The following METTL4 variants were observed in gnomAD, a reference collection of about 807,000 sequenced individuals.
The protein encoded by METTL4 is methyltransferase 4, N6-adenosine, also known as N(6)-adenine-specific methyltransferase METTL4.
Under a neutral mutation model 54.0 loss-of-function variants are expected in METTL4, and 40 were observed. That is an observed-to-expected ratio of 0.74 (90% CI 0.58 to 0.96). The LOEUF (loss-of-function observed/expected upper bound fraction) is 0.96. Among genes scored for constraint, METTL4 ranks in the 50% least tolerant of loss-of-function variants. The pLI is 0.00. For missense variants in METTL4, 525 were observed against 549.0 expected (o/e 0.96, Z 0.44); for synonymous variants, 169 against 183.8 (o/e 0.92, Z 0.65).
In METTL4 at chr18:2,571,504, G is replaced by A. The variant is rs1389385180; in HGVS notation, c.-794C>T. 1 of 152,250 alleles carries A rather than the reference G, an allele frequency of 6.6e-6. No individual in the cohort carries two copies. Among genetic ancestry groups the A allele is most frequent in the Non-Finnish European group, 1.5e-5 (1 of 68,044 alleles). The allele number at this position is 152,250 out of a possible 1,614,324, so 9.4% of individuals were successfully genotyped here. A position where few individuals can be genotyped will look rare whatever the true frequency, so the allele number is the denominator to read the frequency against. On this transcript the variant is annotated 5_prime_UTR_variant, in exon 1 of 9. Transcript: ENST00000574538. Reference sequence around the variant, plus strand: ...CCTTCCAGCGACGAGGCGGTCGCATGGAAGTTACTGCGCGCGTCGTGCGTA... The same window carrying A: ...CCTTCCAGCGACGAGGCGGTCGCATAGAAGTTACTGCGCGCGTCGTGCGTA...
chr18:2,547,263 A>G (rs1015831596), intron 6 of METTL4, 92 bp downstream of exon 6: 3 of 1,004,584 alleles, frequency 3.0e-6, no homozygotes, highest in African/African-American at 3.3e-5. Context: ...GAAGGAGTAC[A>G]GCAGTGACAT....
chr18:2,570,654 T>C (rs1057501642), intron 1 of METTL4, among the ~76,000 whole-genome samples: 1 of 152,094 alleles, frequency 6.6e-6, no homozygotes, highest in Non-Finnish European at 1.5e-5. Context: ...ATCCCCTTCA[T>C]AGGCCACAGC....
intron 8 of METTL4, among the ~76,000 whole-genome samples, chr18:2,542,860 G>T (rs1201452775): frequency 6.6e-6 from 1 of 152,100 alleles, no homozygotes; most frequent in Admixed American, 6.5e-5. Flanking sequence ...GGGTGCGGTG[G>T]CTCATGCCTG....
intron 4 of METTL4, chr18:2,554,108 A>T (rs2072201154): frequency 6.6e-6 from 1 of 152,386 alleles, no homozygotes; most frequent in Non-Finnish European, 1.5e-5. Flanking sequence ...CATTTTATAG[A>T]TTGGAGACTG....
At chr18:2,565,260 CAG>C (rs1567981719) in intron 2 of METTL4, among the ~76,000 whole-genome samples, 1 of 151,394 alleles carries the variant, frequency 6.6e-6, no homozygotes, top group Non-Finnish European at 1.5e-5. Context: ...GCCTGGGAAA[CAG>C]AGCAAGACTC....
chr18:2,560,771 C>T (rs1237695915), intron 3 of METTL4, among the ~76,000 whole-genome samples: 5 of 152,008 alleles, frequency 3.3e-5, no homozygotes, highest in East Asian at 3.9e-4. Context: ...CCCAGCTACT[C>T]GGGAGGCTGA....
Position 2,567,379 on chromosome 18 carries a change from T to G in METTL4, c.-163A>C. ...AACCTGACATGCACATTGAAGAGAA[T>G]TTATCATTCATGATGTTAATATATA... On this transcript the variant is annotated 5_prime_UTR_variant, in exon 2 of 9. Coordinates refer to ENST00000574538, the MANE Select transcript of METTL4 (RefSeq NM_022840.5). 3.9e-6 allele frequency: 2 copies of G among 517,000 alleles called. No individual in the cohort carries two copies. Among genetic ancestry groups the G allele is most frequent in the Non-Finnish European group, 6.6e-6 (2 of 300,754 alleles). 32.0% of individuals were successfully genotyped at this position (517,000 alleles called of 1,614,324 possible). A position where few individuals can be genotyped will look rare whatever the true frequency, so the allele number is the denominator to read the frequency against.
chr18:2,566,912 G>A lies in METTL4; in HGVS notation c.305C>T (p.Pro102Leu), dbSNP rs745751543. The change falls in exon 2 of 9, where the codon CCA (proline) becomes CTA (leucine). Residue 102 changes from proline (P) to leucine (L), a missense_variant. Transcript: ENST00000574538. ...TTGCTGGCATTCTTTATGAACAGCT[G>A]GAGTTATATAAGGTTTGGTGACATC... ...LFDVTKPYIT[P>L]AVHKECQQSN... The A allele has an allele frequency of 3.1e-6, 5 of 1,613,690 alleles. No individual in the cohort carries two copies. The highest frequency in any genetic ancestry group is 4.2e-6 in the Non-Finnish European group (5 of 1,179,866).
chr18:2,555,277 A>T, intron 3 of METTL4: 1 of 503,060 alleles, frequency 2.0e-6, no homozygotes, highest in Non-Finnish European at 3.5e-6. Flanking sequence ...CATGTAAGAA[A>T]ATATATCCTC....
intron 6 of METTL4, among the ~76,000 whole-genome samples, chr18:2,546,854 G>C (rs979484288): frequency 6.6e-6 from 1 of 152,154 alleles, no homozygotes; most frequent in African/African-American, 2.4e-5. Context: ...GAGGACCTAA[G>C]TTAAGATTTA....
chr18:2,540,410 C>T (rs1244791355), intron 8 of METTL4: 1 of 982,376 alleles, frequency 1.0e-6, no homozygotes, highest in Non-Finnish European at 1.2e-6. Context: ...TTTAGGAATA[C>T]TAGAGACAGG....
intron 2 of METTL4, among the ~76,000 whole-genome samples, chr18:2,565,987 C>T (rs949197670): frequency 6.7e-6 from 1 of 150,180 alleles, no homozygotes; most frequent in Non-Finnish European, 1.5e-5. Context: ...GCGGAGCTTG[C>T]AGTGAGCTGA....
At chr18:2,547,296 C>A (rs1363948026) in intron 6 of METTL4, 59 bp downstream of exon 6, 3 of 1,383,770 alleles carry the variant, frequency 2.2e-6, no homozygotes, top group Non-Finnish European at 2.9e-6. Flanking sequence ...AAAGTAGATG[C>A]TACCTTTATG....
At chr18:2,566,505 A>G (rs1677153527) in intron 2 of METTL4, among the ~76,000 whole-genome samples, 1 of 152,124 alleles carries the variant, frequency 6.6e-6, no homozygotes, top group South Asian at 2.1e-4. Context: ...CCTAATCAAG[A>G]AAAGGGTTTT....
chr18:2,551,532 C>CA (rs938564391), intron 5 of METTL4, among the ~76,000 whole-genome samples: 8 of 151,422 alleles, frequency 5.3e-5, no homozygotes, highest in South Asian at 2.1e-4. Context: ...ACTGTCTCTA[C>CA]AAAAAAAATG....
intron 6 of METTL4, among the ~76,000 whole-genome samples, chr18:2,546,424 G>C (rs2072071511): frequency 6.6e-6 from 1 of 151,608 alleles, no homozygotes; most frequent in East Asian, 1.9e-4. Context: ...ATTATATATG[G>C]GGTTCAGTAC....
chr18:2,562,488 CAT>C (rs2072336582), intron 3 of METTL4, among the ~76,000 whole-genome samples: 1 of 152,162 alleles, frequency 6.6e-6, no homozygotes, highest in Non-Finnish European at 1.5e-5. Flanking sequence ...TTCACAGAAA[CAT>C]TATTCATAAT....
chr18:2,560,558 T>C (rs902484688), intron 3 of METTL4, among the ~76,000 whole-genome samples: 19 of 152,182 alleles, frequency 1.2e-4, no homozygotes, highest in African/African-American at 4.8e-5. Flanking sequence ...CTCTTATGAC[T>C]GTCCCAAATA....
intron 8 of METTL4, chr18:2,540,132 C>G: frequency 3.0e-6 from 3 of 984,786 alleles, no homozygotes; most frequent in Non-Finnish European, 3.6e-6. Flanking sequence ...GGGGAAAGAG[C>G]TGTAGGCTAA....
Sources: allele counts gnomAD v4.1 joint callset (sites outside exome capture counted in the v4.1 genomes callset), GRCh38; gene constraint gnomAD v4.1.1; transcripts MANE v1.5; gene names NCBI Gene and HGNC (gene_info 2026-07-23, HGNC 2026-07-21).